The following MGARP variants were observed in gnomAD, a reference collection of about 807,000 sequenced individuals.
MGARP encodes the protein protein MGARP.
A neutral mutation model predicts 11.0 loss-of-function variants in MGARP; 12 were observed. The ratio of observed to expected loss-of-function variants is 1.09; its 90% CI spans 0.70 to 1.77. MGARP has a LOEUF of 1.77. MGARP is among the 40% of genes most tolerant of loss of function. The pLI, the probability that MGARP is intolerant of heterozygous loss-of-function variation, is 0.00. For missense variants in MGARP, 283 were observed against 297.8 expected (o/e 0.95, Z 0.36); for synonymous variants, 110 against 115.4 (o/e 0.95, Z 0.30).
chr4:139,277,631 T>G (rs1744892850), intron 1 of MGARP, among the ~76,000 whole-genome samples: 1 of 152,186 alleles, frequency 6.6e-6, no homozygotes, highest in African/African-American at 2.4e-5. Flanking sequence ...TTTTAGCACA[T>G]TCATACAATG....
chr4:139,269,503 C>G (rs775921298), intron 2 of MGARP, among the ~76,000 whole-genome samples: 30 of 151,918 alleles, frequency 2.0e-4, no homozygotes, highest in Non-Finnish European at 3.2e-4. Context: ...TGGTGGTGCT[C>G]GCCTGTAGCC....
intron 1 of MGARP, among the ~76,000 whole-genome samples, 160 bp downstream of exon 1, chr4:139,279,917 G>T (rs886125564): frequency 5.9e-5 from 9 of 152,226 alleles, no homozygotes; most frequent in Admixed American, 3.3e-4. Context: ...GCTTCGGGAC[G>T]TCTTCCCGGG....
chr4:139,272,430 G>A (rs992152322), intron 2 of MGARP, among the ~76,000 whole-genome samples: 1 of 151,404 alleles, frequency 6.6e-6, no homozygotes, highest in Non-Finnish European at 1.5e-5. Flanking sequence ...GTGGTAGTGG[G>A]CACCTGTAGT....
intron 2 of MGARP, among the ~76,000 whole-genome samples, chr4:139,273,812 C>A (rs1448571193): frequency 6.6e-6 from 1 of 152,072 alleles, no homozygotes; most frequent in Non-Finnish European, 1.5e-5. Flanking sequence ...CCATGACTGG[C>A]CTACTTTTAT....
rs566121488 is a variant in MGARP, at chr4:139,272,322, C to T, written c.186+2967G>A. Among the ~76,000 whole-genome samples, 18 of 151,738 alleles carry T rather than the reference C, an allele frequency of 1.2e-4. No individual in the cohort carries two copies. In the South Asian group the frequency reaches 2.5e-3, roughly 21 times the overall value. On this transcript the variant is annotated intron_variant, in intron 2 of 3. Coordinates refer to ENST00000398955, the MANE Select transcript of MGARP (RefSeq NM_032623.4). ...CTGTAATCCCAGCACTTTGGGAGGC[C>T]GAGGCAGGAAGATCACGAGGTCAGG...
intron 2 of MGARP, among the ~76,000 whole-genome samples, chr4:139,273,035 T>TA (rs757326802): frequency 3.3e-5 from 5 of 152,026 alleles, no homozygotes; most frequent in Non-Finnish European, 7.4e-5. Context: ...TGTGTACTCT[T>TA]AGAGTTTACA....
In MGARP at chr4:139,268,909, A is replaced by T. The variant is rs1250902967; in HGVS notation, c.187-144T>A. The T allele has an allele frequency of 1.3e-5, 7 of 552,108 alleles. No individual in the cohort carries two copies. The African/African-American group carries it at 1.3e-4, about 10-fold the overall frequency. 34.2% of individuals were successfully genotyped at this position (552,108 alleles called of 1,614,324 possible). On this transcript the variant is annotated intron_variant, in intron 2 of 3. Transcript: ENST00000398955. ...TGTAGCAAAGAAGAGAAATCAGTGC[A>T]CACCACTTACTCTTTTACTTCCCTT...
intron 2 of MGARP, among the ~76,000 whole-genome samples, chr4:139,272,193 A>G (rs961311714): frequency 6.6e-6 from 1 of 152,092 alleles, no homozygotes. Flanking sequence ...GGACAACAAT[A>G]TAAGTGACAA....
At position 139,266,582 on chromosome 4, in the gene MGARP, T is replaced by C. The variant is rs745416763; in HGVS notation, c.*17A>G. ...CACCCTATGGCATTTGTTGCTGAAA[T>C]GTCTACCGGCTGGAGATTAGCCTTG... On this transcript the variant is annotated 3_prime_UTR_variant, in exon 4 of 4. Transcript: ENST00000398955. The C allele has an allele frequency of 1.2e-6, 2 of 1,603,324 alleles. No individual in the cohort carries two copies. Among genetic ancestry groups the C allele is most frequent in the Non-Finnish European group, 1.7e-6 (2 of 1,174,554 alleles).
chr4:139,276,595 C>T (rs900579349), intron 1 of MGARP, among the ~76,000 whole-genome samples: 12 of 152,244 alleles, frequency 7.9e-5, no homozygotes, highest in African/African-American at 2.6e-4. Flanking sequence ...GCCTGTAATC[C>T]CAACATTTTG....
At chr4:139,271,427 G>A (rs928655807) in intron 2 of MGARP, among the ~76,000 whole-genome samples, 5 of 152,106 alleles carry the variant, frequency 3.3e-5, no homozygotes, top group Non-Finnish European at 7.4e-5. Context: ...TCAGGGGGCC[G>A]AGGCAGGAGA....
intron 1 of MGARP, among the ~76,000 whole-genome samples, chr4:139,279,311 C>T (rs748186754): frequency 2.0e-5 from 3 of 152,228 alleles, no homozygotes; most frequent in Non-Finnish European, 2.9e-5. Flanking sequence ...TAATAAGCCT[C>T]CAGTTCACAC....
At chr4:139,276,562 T>A (rs1744877238) in intron 1 of MGARP, among the ~76,000 whole-genome samples, 1 of 152,188 alleles carries the variant, frequency 6.6e-6, no homozygotes, top group Non-Finnish European at 1.5e-5. Context: ...TCTAAAATGC[T>A]AGCAGTGGGT....
At chr4:139,276,999 CA>C (rs1744884731) in intron 1 of MGARP, among the ~76,000 whole-genome samples, 1 of 152,176 alleles carries the variant, frequency 6.6e-6, no homozygotes, top group Admixed American at 6.5e-5. Flanking sequence ...ACCTTACACA[CA>C]TAGCCTGAAG....
chr4:139,276,166 A>G (rs1744870444), intron 1 of MGARP, among the ~76,000 whole-genome samples: 1 of 152,234 alleles, frequency 6.6e-6, no homozygotes, highest in Non-Finnish European at 1.5e-5. Context: ...TTATTTTAAA[A>G]ATAAAGACAT....
chr4:139,274,924 T>A (rs1265837606), intron 2 of MGARP, among the ~76,000 whole-genome samples: 3 of 152,240 alleles, frequency 2.0e-5, no homozygotes, highest in African/African-American at 7.2e-5. Flanking sequence ...GCTATCACTA[T>A]TAGCATTTAT....
At chr4:139,280,035 G>T in intron 1 of MGARP, 42 bp downstream of exon 1, 1 of 1,602,114 alleles carries the variant, frequency 6.2e-7, no homozygotes, top group Non-Finnish European at 8.5e-7. Context: ...ATCTGCACCC[G>T]AGGCGCCCGT....
At chr4:139,269,295 G>A (rs958347496) in intron 2 of MGARP, among the ~76,000 whole-genome samples, 4 of 152,138 alleles carry the variant, frequency 2.6e-5, no homozygotes, top group South Asian at 2.1e-4. Context: ...ATGAAAACCT[G>A]TACACAAATG....
At chr4:139,270,608 G>GAAAAAAAAA (rs751695236) in intron 2 of MGARP, among the ~76,000 whole-genome samples, 13 of 89,044 alleles carry the variant, frequency 1.5e-4, no homozygotes, top group Non-Finnish European at 2.0e-4. Flanking sequence ...GACCGCGTCT[G>GAAAAAAAAA]AAAAAAAAAA....
Sources: gnomAD v4.1 joint callset for allele counts (sites outside exome capture counted in the v4.1 genomes callset) on GRCh38, gnomAD v4.1.1 for gene constraint, MANE v1.5 for transcripts, NCBI Gene and HGNC (gene_info 2026-07-23, HGNC 2026-07-21) for gene names.